Variants in PDLIM5 observed in about 807,000 individuals in gnomAD.
The protein encoded by PDLIM5 is PDZ and LIM domain 5, also known as PDZ and LIM domain protein 5.
In PDLIM5, 34 loss-of-function variants were observed where a neutral mutation model predicts 64.2. That is an observed-to-expected ratio of 0.53 (90% CI 0.40 to 0.71). The LOEUF is 0.71. Ranked by LOEUF, PDLIM5 falls within the 30% of genes least tolerant of loss-of-function variation. The probability of loss-of-function intolerance (pLI) is 0.00; values close to 1 mark genes in which losing one functional copy is unlikely to be tolerated. For missense variants in PDLIM5, 683 were observed against 733.6 expected (o/e 0.93, Z 0.80); for synonymous variants, 253 against 269.1 (o/e 0.94, Z 0.59).
chr4:94,485,918 A>C (rs1231246353), intron 2 of PDLIM5, among the ~76,000 whole-genome samples: 1 of 152,062 alleles, frequency 6.6e-6, no homozygotes, highest in East Asian at 1.9e-4. Flanking sequence ...AAAACATGAA[A>C]TCATGTGACA....
chr4:94,465,611 A>G (rs1197129603), intron 2 of PDLIM5, among the ~76,000 whole-genome samples: 9 of 151,952 alleles, frequency 5.9e-5, no homozygotes, highest in Admixed American at 4.6e-4. Flanking sequence ...GGGTTTCACC[A>G]TGTTGGCTAG....
chr4:94,481,590 G>T (rs1181704816), intron 2 of PDLIM5, among the ~76,000 whole-genome samples: 1 of 151,122 alleles, frequency 6.6e-6, no homozygotes, highest in Non-Finnish European at 1.5e-5. Context: ...CATTATTCCA[G>T]TTGTTGTTTT....
intron 9 of PDLIM5, among the ~76,000 whole-genome samples, chr4:94,649,714 T>C (rs1324275666): frequency 6.6e-6 from 1 of 152,258 alleles, no homozygotes; most frequent in Non-Finnish European, 1.5e-5. Flanking sequence ...TGTATATTAG[T>C]GTTGCCAAAT....
At chr4:94,625,578 A>G (rs1429141968) in intron 8 of PDLIM5, among the ~76,000 whole-genome samples, 1 of 151,162 alleles carries the variant, frequency 6.6e-6, no homozygotes, top group South Asian at 2.1e-4. Flanking sequence ...TCAGCCCCCC[A>G]AGTAGCTGGG....
chr4:94,632,883 A>G (rs923425852), intron 8 of PDLIM5, among the ~76,000 whole-genome samples: 10 of 152,122 alleles, frequency 6.6e-5, no homozygotes, highest in African/African-American at 1.9e-4. Context: ...AGCCCTACCA[A>G]CACCTTGATT....
At chr4:94,594,189 A>C (rs1665025963) in intron 7 of PDLIM5, among the ~76,000 whole-genome samples, 3 of 152,178 alleles carry the variant, frequency 2.0e-5, no homozygotes, top group African/African-American at 7.2e-5. Flanking sequence ...GAGTAATCTA[A>C]TTGCCAAAAG....
intron 7 of PDLIM5, chr4:94,587,533 G>C (rs1736333432): frequency 1.1e-6 from 1 of 905,784 alleles, no homozygotes; most frequent in Non-Finnish European, 1.3e-6. Flanking sequence ...ATTCAAAGTT[G>C]ATTGTAAATT....
chr4:94,499,671 ATGGG>A (rs1423445653), intron 2 of PDLIM5, among the ~76,000 whole-genome samples: 1 of 152,164 alleles, frequency 6.6e-6, no homozygotes, highest in Non-Finnish European at 1.5e-5. Context: ...CGGGTTATGG[ATGGG>A]TACAGATCCA....
In PDLIM5 at chr4:94,577,246, G is replaced by A. The variant is rs200776890; in HGVS notation, c.710+1212G>A. 1.3e-3 allele frequency: 592 copies of A among 457,044 alleles called. 5 individuals are homozygous for A. In the Middle Eastern group the frequency reaches 0.03, roughly 23 times the overall value. 28.3% of individuals were successfully genotyped at this position (457,044 alleles called of 1,614,324 possible). A position where few individuals can be genotyped will look rare whatever the true frequency, so the allele number is the denominator to read the frequency against. On this transcript the variant is annotated intron_variant, in intron 5 of 12. Coordinates refer to ENST00000317968, the MANE Select transcript of PDLIM5 (RefSeq NM_006457.5). ...AAAATATAATTAAAATACTTGTGTG[G>A]ATAGGTCCATTCTCTGAGATAATCC...
chr4:94,636,326 T>C (rs533147090), intron 8 of PDLIM5, among the ~76,000 whole-genome samples: 3 of 152,182 alleles, frequency 2.0e-5, no homozygotes, highest in African/African-American at 7.2e-5. Flanking sequence ...GATTTTCAGA[T>C]TTTCCAATTG....
intron 7 of PDLIM5, among the ~76,000 whole-genome samples, chr4:94,596,343 C>G (rs1737066719): frequency 6.6e-6 from 1 of 152,078 alleles, no homozygotes; most frequent in African/African-American, 2.4e-5. Context: ...AGAATATTCA[C>G]CACGTTCCTT....
chr4:94,517,119 C>A (rs1450216947), intron 2 of PDLIM5, among the ~76,000 whole-genome samples: 2 of 152,068 alleles, frequency 1.3e-5, no homozygotes, highest in Admixed American at 6.6e-5. Flanking sequence ...TTTACTAGTC[C>A]CTCAGTTGCT....
chr4:94,489,736 G>C (rs1343019013), intron 2 of PDLIM5, among the ~76,000 whole-genome samples: 1 of 151,714 alleles, frequency 6.6e-6, no homozygotes, highest in Non-Finnish European at 1.5e-5. Flanking sequence ...GACCAGCCTG[G>C]GCAACATAGG....
intron 2 of PDLIM5, among the ~76,000 whole-genome samples, chr4:94,461,406 T>A (rs1348223861): frequency 6.6e-6 from 1 of 152,186 alleles, no homozygotes; most frequent in East Asian, 1.9e-4. Context: ...GTCTACTGAT[T>A]CTTTAGGTAT....
At chr4:94,570,296 C>T (rs569290200) in intron 3 of PDLIM5, among the ~76,000 whole-genome samples, 1 of 152,064 alleles carries the variant, frequency 6.6e-6, no homozygotes, top group Non-Finnish European at 1.5e-5. Context: ...CTTTCTTTGA[C>T]TCTTCAAAAA....
chr4:94,564,656 C>CTCTT (rs1553959063), intron 3 of PDLIM5, among the ~76,000 whole-genome samples: 4 of 104,504 alleles, frequency 3.8e-5, no homozygotes, highest in East Asian at 5.1e-4. Flanking sequence ...AATTTTGTCT[C>CTCTT]TTTTTTTTTT....
chr4:94,556,762 T>G (rs191664562), intron 3 of PDLIM5, among the ~76,000 whole-genome samples: 21 of 152,314 alleles, frequency 1.4e-4, no homozygotes, highest in Admixed American at 1.4e-3. Context: ...GTTTGTTTTT[T>G]TCTTGTAAAT....
intron 2 of PDLIM5, among the ~76,000 whole-genome samples, chr4:94,508,447 C>T (rs1477583141): frequency 1.3e-5 from 2 of 152,154 alleles, no homozygotes; most frequent in African/African-American, 2.4e-5. Flanking sequence ...AACTTGGCTC[C>T]TTGGGTCAAG....
intron 7 of PDLIM5, among the ~76,000 whole-genome samples, chr4:94,591,747 A>G (rs1471188303): frequency 6.6e-6 from 1 of 151,664 alleles, no homozygotes. Flanking sequence ...TCTCCTACCC[A>G]CTCCTGCTTC....
Sources: allele counts gnomAD v4.1 joint callset (sites outside exome capture counted in the v4.1 genomes callset), GRCh38; gene constraint gnomAD v4.1.1; transcripts MANE v1.5; gene names NCBI Gene and HGNC (gene_info 2026-07-23, HGNC 2026-07-21).